NDUFS1: variants seen among roughly 807,000 people sequenced by gnomAD.
NDUFS1 encodes NADH:ubiquinone oxidoreductase core subunit S1, also known as NADH-ubiquinone oxidoreductase 75 kDa subunit, mitochondrial.
NDUFS1 carries 61 observed loss-of-function variants against 84.4 expected under a neutral mutation model. That is an observed-to-expected ratio of 0.72 (90% CI 0.59 to 0.89). The LOEUF (loss-of-function observed/expected upper bound fraction) is 0.89, where lower values mean the gene tolerates loss of function less well. NDUFS1 is among the 40% of genes least tolerant of loss of function. The pLI is 0.00. For synonymous variants in NDUFS1, 275 were observed against 290.0 expected, an observed-to-expected ratio of 0.95 and a Z score of 0.53; for missense variants, 891 against 890.0, an observed-to-expected ratio of 1.00 and a Z score of -0.01.
chr2:206,157,965 T>TC (rs59784128), intron 1 of NDUFS1, among the ~76,000 whole-genome samples: 23 of 136,058 alleles, frequency 1.7e-4, no homozygotes, highest in Middle Eastern at 3.8e-3. Context: ...TTCAATAGCT[T>TC]TTTTTTTTTT....
intron 13 of NDUFS1, among the ~76,000 whole-genome samples, chr2:206,136,347 C>G (rs1691712897): frequency 6.6e-6 from 1 of 151,658 alleles, no homozygotes; most frequent in Non-Finnish European, 1.5e-5. Context: ...CCACCGCACC[C>G]AGCCTGCATC....
chr2:206,158,029 T>C (rs139515229), intron 1 of NDUFS1, among the ~76,000 whole-genome samples: 8,277 of 148,158 alleles, frequency 0.056, 306 homozygotes, highest in African/African-American at 0.1. Flanking sequence ...AGCGGAGCGA[T>C]CTCGGCTCAC....
Position 206,119,281 on chromosome 2 carries a change from A to C in NDUFS1, c.*4904T>G, listed in dbSNP as rs1195242045. On this transcript the variant is annotated 3_prime_UTR_variant, in exon 19 of 19. Coordinates refer to ENST00000233190, the MANE Select transcript of NDUFS1 (RefSeq NM_005006.7). ...CTGATGTAATCATCAAAACAATTCT[A>C]TGAGGCTGGAAGTAGGTACAATTTT... The C allele has an allele frequency of 2.0e-5, 3 of 152,312 alleles. No homozygotes were observed. The highest frequency in any genetic ancestry group is 4.4e-5 in the Non-Finnish European group (3 of 68,012). 9.4% of individuals were successfully genotyped at this position (152,312 alleles called of 1,614,324 possible).
rs1559051745 is a variant in NDUFS1, at chr2:206,138,486, T to C, written c.1391A>G (p.Gln464Arg). 1 of 1,613,934 alleles carries C rather than the reference T, an allele frequency of 6.2e-7. No individual in the cohort carries two copies. Among genetic ancestry groups the C allele is most frequent in the Non-Finnish European group, 8.5e-7 (1 of 1,179,816 alleles). The part of the protein sequence containing the change: ...DIASGSHPFS[Q>R]VLKEAKKPMV... Reference sequence around the variant, plus strand: ...TAGATACACATAAGTTGAGAGCACCTGGCTAAATGGATGGCTTCCCGAAGC... The same window carrying C: ...TAGATACACATAAGTTGAGAGCACCCGGCTAAATGGATGGCTTCCCGAAGC... The change falls in exon 13 of 19, where the codon CAG becomes CGG. Residue 464 changes from glutamine (Q) to arginine (R), a missense_variant and splice_region_variant. Transcript: ENST00000233190.
At chr2:206,151,621 A>T (rs796771221) in intron 3 of NDUFS1, among the ~76,000 whole-genome samples, 25 of 152,320 alleles carry the variant, frequency 1.6e-4, no homozygotes, top group African/African-American at 4.8e-4. Context: ...ACAACTTACA[A>T]ATGGAGTGAA....
intron 12 of NDUFS1, among the ~76,000 whole-genome samples, chr2:206,140,939 T>TACACACACACACACAC (rs1409794419): frequency 3.8e-4 from 22 of 58,526 alleles, no homozygotes; most frequent in African/African-American, 1.9e-3. Context: ...TATATATATA[T>TACACACACACACACAC]ATATACACAC....
rs1196528314 is a variant in NDUFS1 at position 206,120,292 on chromosome 2, A to C, written c.*3893T>G. On this transcript the variant is annotated 3_prime_UTR_variant, in exon 19 of 19. Coordinates refer to ENST00000233190, the MANE Select transcript of NDUFS1 (RefSeq NM_005006.7). ...TACTGACAGTGGGGCACTGCTATAC[A>C]TATTGGAAAATGTAGAAACAGCTTT... is the stretch of plus-strand genomic sequence containing the variant. 1 of 152,254 alleles carries C rather than the reference A, an allele frequency of 6.6e-6. No individual in the cohort carries two copies. Among genetic ancestry groups the C allele is most frequent in the Non-Finnish European group, 1.5e-5 (1 of 68,062 alleles). The allele number at this position is 152,254 out of a possible 1,614,324, so 9.4% of individuals were successfully genotyped here.
chr2:206,115,851 A>G lies in NDUFS1; in HGVS notation c.*8334T>C. ...TTTTTGTAACTAATTTTTACCATGGATAATTTCATGGATAATTTCATGAAT... is the reference window on the plus strand; with the variant it reads ...TTTTTGTAACTAATTTTTACCATGGGTAATTTCATGGATAATTTCATGAAT... On this transcript the variant is annotated 3_prime_UTR_variant, in exon 19 of 19. Transcript: ENST00000233190. 2 of 473,716 alleles carry G rather than the reference A, an allele frequency of 4.2e-6. No homozygotes were observed. The highest frequency in any genetic ancestry group is 7.5e-6 in the Non-Finnish European group (2 of 267,784). The allele number at this position is 473,716 out of a possible 1,614,324, so 29.3% of individuals were successfully genotyped here.
chr2:206,133,414 T>C (rs542618296), intron 13 of NDUFS1, among the ~76,000 whole-genome samples: 47 of 152,146 alleles, frequency 3.1e-4, no homozygotes, highest in African/African-American at 1.1e-3. Context: ...CCCAGAAAAA[T>C]TGGGGAACTT....
At chr2:206,155,661 A>T (rs1022822364) in intron 1 of NDUFS1, among the ~76,000 whole-genome samples, 8 of 151,784 alleles carry the variant, frequency 5.3e-5, no homozygotes, top group Non-Finnish European at 1.2e-4. Flanking sequence ...CAGGTGATCC[A>T]CCTGCCTTGG....
chr2:206,140,365 G>A (rs942077496), intron 12 of NDUFS1, among the ~76,000 whole-genome samples: 4 of 152,032 alleles, frequency 2.6e-5, no homozygotes, highest in African/African-American at 9.7e-5. Context: ...CTAGCTGGAC[G>A]TGGTGGCATA....
At chr2:206,140,546 T>C (rs557196917) in intron 12 of NDUFS1, among the ~76,000 whole-genome samples, 1 of 152,256 alleles carries the variant, frequency 6.6e-6, no homozygotes, top group African/African-American at 2.4e-5. Context: ...AGTGGCATGA[T>C]CTTGGCTCAC....
Position 206,116,022 on chromosome 2 carries a change from G to A in NDUFS1, c.*8163C>T. On this transcript the variant is annotated 3_prime_UTR_variant, in exon 19 of 19. Transcript: ENST00000233190. ...TTTCCCATGGGTAATGCTAAAAGTTGCTATTCTAAGTCTTCTATCCACCAC... is the reference window on the plus strand; with the variant it reads ...TTTCCCATGGGTAATGCTAAAAGTTACTATTCTAAGTCTTCTATCCACCAC... 2.6e-6 allele frequency: 2 copies of A among 778,896 alleles called. No homozygotes were observed. Among genetic ancestry groups the A allele is most frequent in the South Asian group, 1.4e-5 (1 of 72,836 alleles). The allele number at this position is 778,896 out of a possible 1,614,324, so 48.2% of individuals were successfully genotyped here.
In NDUFS1 at chr2:206,147,778, T is replaced by C; in HGVS notation, c.395A>G (p.Asp132Gly). The change falls in exon 6 of 19, where the codon GAC (aspartate) becomes GGC (glycine). Residue 132 changes from aspartate to glycine, a missense_variant. By Grantham distance (94) the Asp-to-Gly change is moderately conservative. Transcript: ENST00000233190. ...CTGCAGATCACATTCACCTCCCTGG[T>C]CACAAATAGGACAGTCCAATGGGTG... ...ANHPLDCPIC[D>G]QGGECDLQDQ... The C allele has an allele frequency of 6.2e-7, 1 of 1,614,174 alleles. No homozygotes were observed. The highest frequency in any genetic ancestry group is 8.5e-7 in the Non-Finnish European group (1 of 1,180,010).
chr2:206,144,752 T>A, intron 9 of NDUFS1, 140 bp downstream of exon 9: 1 of 824,548 alleles, frequency 1.2e-6, no homozygotes, highest in Non-Finnish European at 1.9e-6. Flanking sequence ...GTCAGTATTA[T>A]CACATTATAT....
intron 1 of NDUFS1, among the ~76,000 whole-genome samples, chr2:206,155,543 G>C (rs575108941): frequency 2.0e-5 from 3 of 152,046 alleles, no homozygotes; most frequent in Admixed American, 6.6e-5. Flanking sequence ...TCAGCCTCCC[G>C]AGTAGTTGGG....
Position 206,115,077 on chromosome 2 carries a change from A to G in NDUFS1, c.*9108T>C, listed in dbSNP as rs186617036. ...ATATTTTTGTTTTGTCTGACATGAC[A>G]AACATTGCAAATGTACATCCTTTGT... On this transcript the variant is annotated 3_prime_UTR_variant, in exon 19 of 19. Coordinates refer to ENST00000233190, the MANE Select transcript of NDUFS1 (RefSeq NM_005006.7). 4.3e-4 allele frequency: 65 copies of G among 152,348 alleles called. No individual in the cohort carries two copies. The highest frequency in any genetic ancestry group is 1.3e-3 in the African/African-American group (56 of 41,588). The allele number at this position is 152,348 out of a possible 1,614,324, so 9.4% of individuals were successfully genotyped here.
At chr2:206,146,425 C>T (rs1692156205) in intron 8 of NDUFS1, among the ~76,000 whole-genome samples, 1 of 152,178 alleles carries the variant, frequency 6.6e-6, no homozygotes, top group South Asian at 2.1e-4. Flanking sequence ...AAAATAATCA[C>T]ACCTCTTGCA....
chr2:206,156,899 G>A (rs1336735850), intron 1 of NDUFS1, among the ~76,000 whole-genome samples: 2 of 152,194 alleles, frequency 1.3e-5, no homozygotes, highest in East Asian at 1.9e-4. Flanking sequence ...ATTAGTAGGG[G>A]CTCAACAAAT....
Sources: allele counts gnomAD v4.1 joint callset (sites outside exome capture counted in the v4.1 genomes callset), GRCh38; gene constraint gnomAD v4.1.1; transcripts MANE v1.5; gene names NCBI Gene and HGNC (gene_info 2026-07-23, HGNC 2026-07-21).